Variants in PTPRD observed in about 807,000 individuals in gnomAD.
PTPRD encodes the protein protein tyrosine phosphatase receptor type D, also known as receptor-type tyrosine-protein phosphatase delta.
In PTPRD, 34 loss-of-function variants were observed where a neutral mutation model predicts 214.5. That is an observed-to-expected ratio of 0.16 (90% CI 0.12 to 0.21). The LOEUF (loss-of-function observed/expected upper bound fraction) is 0.21, where lower values mean the gene tolerates loss of function less well. Ranked by LOEUF, PTPRD falls within the 10% of genes least tolerant of loss-of-function variation. PTPRD has a pLI of 1.00. For synonymous variants in PTPRD, 1,128 were observed against 845.7 expected (o/e 1.33, Z -5.79); for missense variants, 2,545 against 2,398.7 (o/e 1.06, Z -1.27).
At chr9:8,657,006 ACTT>A (rs1393408916) in intron 12 of PTPRD, among the ~76,000 whole-genome samples, 11 of 152,146 alleles carry the variant, frequency 7.2e-5, no homozygotes, top group Non-Finnish European at 8.8e-5. Flanking sequence ...AGAAATATAA[ACTT>A]AATAATTACC....
chr9:9,753,770 A>G (rs534513428), intron 6 of PTPRD, among the ~76,000 whole-genome samples: 1 of 152,012 alleles, frequency 6.6e-6, no homozygotes. Flanking sequence ...TTTTAAATTC[A>G]GAGGTCACCA....
chr9:8,797,942 C>T (rs1486274305), intron 11 of PTPRD, among the ~76,000 whole-genome samples: 1 of 151,154 alleles, frequency 6.6e-6, no homozygotes, highest in East Asian at 1.9e-4. Context: ...AAGATCATAG[C>T]TCTCTGCAGC....
chr9:10,050,296 C>T (rs1238819179), intron 3 of PTPRD, among the ~76,000 whole-genome samples: 2 of 151,674 alleles, frequency 1.3e-5, no homozygotes, highest in Non-Finnish European at 2.9e-5. Flanking sequence ...CTCGGTGGCT[C>T]ACCCTGTAAT....
At chr9:9,303,379 G>A (rs1392133293) in intron 9 of PTPRD, among the ~76,000 whole-genome samples, 30 of 151,956 alleles carry the variant, frequency 2.0e-4, no homozygotes, top group Admixed American at 1.7e-3. Context: ...GTTGACAGTA[G>A]TAAAATACAA....
chr9:9,695,309 G>A (rs1470090800), intron 7 of PTPRD, among the ~76,000 whole-genome samples: 1 of 152,106 alleles, frequency 6.6e-6, no homozygotes, highest in Non-Finnish European at 1.5e-5. Context: ...TGACTGAGCT[G>A]GTATCCATGA....
chr9:8,320,076 T>C, intron 44 of PTPRD, 110 bp from the exon 45 acceptor site: 1 of 1,335,150 alleles, frequency 7.5e-7, no homozygotes, highest in Non-Finnish European at 1.0e-6. Flanking sequence ...TATCTCTTTA[T>C]AGCCATATTC....
intron 10 of PTPRD, among the ~76,000 whole-genome samples, chr9:9,148,840 C>A (rs1293813097): frequency 4.6e-5 from 7 of 151,798 alleles, no homozygotes. Context: ...TTTACCAGTA[C>A]AATAAAACCT....
At chr9:10,266,425 C>T (rs1455687535) in intron 3 of PTPRD, among the ~76,000 whole-genome samples, 1 of 152,088 alleles carries the variant, frequency 6.6e-6, no homozygotes, top group African/African-American at 2.4e-5. Context: ...ATGGATGAGG[C>T]TAAGGAACAT....
chr9:10,104,875 G>C (rs1366250715), intron 3 of PTPRD, among the ~76,000 whole-genome samples: 1 of 151,832 alleles, frequency 6.6e-6, no homozygotes, highest in Non-Finnish European at 1.5e-5. Context: ...TTAGTCTCCT[G>C]TCGTGTTTCC....
intron 39 of PTPRD, among the ~76,000 whole-genome samples, chr9:8,361,201 A>C (rs1410833598): frequency 6.6e-6 from 1 of 152,236 alleles, no homozygotes; most frequent in African/African-American, 2.4e-5. Flanking sequence ...AAGTAGCAGA[A>C]CATTTTAAAT....
At chr9:8,544,782 C>T (rs1224703499) in intron 14 of PTPRD, among the ~76,000 whole-genome samples, 1 of 151,532 alleles carries the variant, frequency 6.6e-6, no homozygotes, top group Non-Finnish European at 1.5e-5. Flanking sequence ...CCATTACTTT[C>T]AATGGTAAAA....
At chr9:10,155,669 T>C (rs563475334) in intron 3 of PTPRD, among the ~76,000 whole-genome samples, 1 of 152,320 alleles carries the variant, frequency 6.6e-6, no homozygotes, top group African/African-American at 2.4e-5. Flanking sequence ...TGTTGAATTT[T>C]ATCAAAAGCT....
At chr9:10,504,023 G>A (rs2044895189) in intron 2 of PTPRD, among the ~76,000 whole-genome samples, 2 of 145,524 alleles carry the variant, frequency 1.4e-5, no homozygotes, top group Admixed American at 1.5e-4. Flanking sequence ...GACTGAAGCA[G>A]GAGAATGGCG....
intron 36 of PTPRD, among the ~76,000 whole-genome samples, chr9:8,390,030 C>T (rs1298610269): frequency 6.6e-6 from 1 of 152,090 alleles, no homozygotes; most frequent in African/African-American, 2.4e-5. Context: ...TGTGTCTTGA[C>T]CTCTGTAAAG....
At chr9:9,231,537 G>T (rs1040167472) in intron 9 of PTPRD, among the ~76,000 whole-genome samples, 2 of 152,022 alleles carry the variant, frequency 1.3e-5, no homozygotes, top group Non-Finnish European at 2.9e-5. Flanking sequence ...CTATCTAAAT[G>T]CTACCCAGCA....
chr9:9,265,181 A>T (rs923249607), intron 9 of PTPRD, among the ~76,000 whole-genome samples: 2 of 151,726 alleles, frequency 1.3e-5, no homozygotes, highest in African/African-American at 4.8e-5. Context: ...TAACTTTAGT[A>T]TAAAAGGTAA....
chr9:10,080,734 T>G (rs1447493472), intron 3 of PTPRD, among the ~76,000 whole-genome samples: 1 of 152,140 alleles, frequency 6.6e-6, no homozygotes, highest in Non-Finnish European at 1.5e-5. Flanking sequence ...TAGGGACTCC[T>G]ACTCCTTAGC....
At chr9:8,473,337 G>T (rs13283150) in intron 30 of PTPRD, among the ~76,000 whole-genome samples, 9,709 of 152,160 alleles carry the variant, frequency 0.064, 336 homozygotes, top group South Asian at 0.094. Flanking sequence ...TATCTTTTAT[G>T]TTATGATCCA....
chr9:9,620,727 A>G (rs1370989190), intron 7 of PTPRD, among the ~76,000 whole-genome samples: 1 of 152,144 alleles, frequency 6.6e-6, no homozygotes, highest in East Asian at 1.9e-4. Context: ...AAAAATCAAC[A>G]TAATATATGT....
Sources: gnomAD v4.1 joint callset for allele counts (sites outside exome capture counted in the v4.1 genomes callset) on GRCh38, gnomAD v4.1.1 for gene constraint, MANE v1.5 for transcripts, NCBI Gene and HGNC (gene_info 2026-07-23, HGNC 2026-07-21) for gene names.